NDST4: variants seen among roughly 807,000 people sequenced by gnomAD.
NDST4 encodes the protein N-heparan sulfate sulfotransferase 4.
A neutral mutation model predicts 100.8 loss-of-function variants in NDST4; 63 were observed. The observed-to-expected ratio is 0.62, with a 90% CI of 0.51 to 0.77. The LOEUF (loss-of-function observed/expected upper bound fraction) is 0.77, where lower values mean the gene tolerates loss of function less well. Ranked by LOEUF, NDST4 falls within the 30% of genes least tolerant of loss-of-function variation. The pLI is 0.00. For synonymous variants in NDST4, 377 were observed against 361.8 expected, an observed-to-expected ratio of 1.04 and a Z score of -0.48; for missense variants, 943 against 1,018.4, an observed-to-expected ratio of 0.93 and a Z score of 1.01.
At chr4:114,829,991 C>G in intron 12 of NDST4, 99 bp from the exon 13 acceptor site, 1 of 791,584 alleles carries the variant, frequency 1.3e-6, no homozygotes, top group East Asian at 2.7e-5. Context: ...TGTATGCCCA[C>G]TGATTTAATT....
chr4:114,955,648 C>T (rs1726123610), intron 4 of NDST4, among the ~76,000 whole-genome samples: 1 of 152,106 alleles, frequency 6.6e-6, no homozygotes, highest in Non-Finnish European at 1.5e-5. Context: ...GCTCTGTGGA[C>T]CATCTCCAAG....
intron 6 of NDST4, among the ~76,000 whole-genome samples, chr4:114,871,387 G>A (rs543833392): frequency 1.5e-4 from 23 of 152,156 alleles, no homozygotes; most frequent in Non-Finnish European, 2.9e-4. Flanking sequence ...CTAATTAAAC[G>A]AATTTTATTT....
chr4:114,882,357 T>C lies in NDST4; in HGVS notation c.1537-11407A>G, dbSNP rs1724388094. On this transcript the variant is annotated intron_variant, in intron 6 of 13. Transcript: ENST00000264363. The stretch of plus-strand genomic sequence containing the variant: ...GGGGGCAAAAGGAGTTGAATATACT[T>C]CTGCAATAGGATATGGGTAGAAAAC... Among the ~76,000 whole-genome samples the C allele has an allele frequency of 2.6e-5, 4 of 152,148 alleles. No individual in the cohort carries two copies. The South Asian group carries it at 8.3e-4, about 32-fold the overall frequency.
intron 4 of NDST4, among the ~76,000 whole-genome samples, chr4:114,955,500 G>T (rs1726117022): frequency 6.6e-6 from 1 of 152,098 alleles, no homozygotes; most frequent in African/African-American, 2.4e-5. Context: ...TACATGTTAA[G>T]AGGATCACTG....
At chr4:115,023,019 T>C (rs1360450629) in intron 2 of NDST4, among the ~76,000 whole-genome samples, 1 of 152,126 alleles carries the variant, frequency 6.6e-6, no homozygotes, top group Non-Finnish European at 1.5e-5. Flanking sequence ...TTCTCACTCA[T>C]AAGCGCGAGC....
chr4:115,106,193 C>T (rs1560602167), intron 1 of NDST4, among the ~76,000 whole-genome samples: 1 of 152,006 alleles, frequency 6.6e-6, no homozygotes, highest in Non-Finnish European at 1.5e-5. Flanking sequence ...CATGAGGCAT[C>T]GGGAAACTGA....
At chr4:114,918,593 A>C (rs1437537954) in intron 6 of NDST4, among the ~76,000 whole-genome samples, 1 of 152,024 alleles carries the variant, frequency 6.6e-6, no homozygotes, top group Non-Finnish European at 1.5e-5. Flanking sequence ...TAAAAATAGA[A>C]TCAAACCGAA....
chr4:114,916,448 T>C (rs771573222), intron 6 of NDST4, among the ~76,000 whole-genome samples: 1 of 152,020 alleles, frequency 6.6e-6, no homozygotes, highest in Non-Finnish European at 1.5e-5. Flanking sequence ...ACTAGCTTCC[T>C]CTCAGCATGA....
intron 4 of NDST4, among the ~76,000 whole-genome samples, chr4:114,960,595 T>C (rs1188054452): frequency 2.6e-5 from 4 of 151,970 alleles, no homozygotes; most frequent in Non-Finnish European, 2.9e-5. Context: ...TTGGTAAAGG[T>C]AATTACGTAT....
chr4:115,074,610 C>A (rs1729143295), intron 2 of NDST4, among the ~76,000 whole-genome samples: 1 of 152,074 alleles, frequency 6.6e-6, no homozygotes, highest in Non-Finnish European at 1.5e-5. Context: ...GGGTCACAGT[C>A]AAGCAGTGCT....
At chr4:114,985,497 T>C (rs1266030465) in intron 2 of NDST4, among the ~76,000 whole-genome samples, 3 of 152,204 alleles carry the variant, frequency 2.0e-5, no homozygotes, top group Non-Finnish European at 4.4e-5. Flanking sequence ...ACTCTAATTA[T>C]TTATTTAAAT....
chr4:115,023,341 C>G (rs1414025754), intron 2 of NDST4, among the ~76,000 whole-genome samples: 1 of 151,912 alleles, frequency 6.6e-6, no homozygotes, highest in Non-Finnish European at 1.5e-5. Context: ...CAAAATTAGC[C>G]AGCTATGATG....
chr4:115,076,429 T>A lies in NDST4; in HGVS notation c.608A>T (p.His203Leu). 6.2e-7 allele frequency: 1 copy of A among 1,613,976 alleles called. No individual in the cohort carries two copies. The highest frequency in any genetic ancestry group is 8.5e-7 in the Non-Finnish European group (1 of 1,179,956). Reference protein sequence around the residue: ...CFVNPQSPLLHITKAPKVEKG... With the variant: ...CFVNPQSPLLLITKAPKVEKG... ...CTCAACCTTGGGGGCTTTGGTAATA[T>A]GCAGCAAAGGAGATTGAGGGTTAAC... Residue 203 changes from histidine to leucine, a missense_variant, in exon 2 of 14, where the codon CAT becomes CTT. By Grantham distance (99) the His-to-Leu change is moderately conservative. Around this residue, in one of 2 missense-constraint regions of NDST4, gnomAD observed 417 missense variants for 384.2 expected, o/e 1.09. Transcript: ENST00000264363.
chr4:115,064,137 A>G (rs570997554), intron 2 of NDST4, among the ~76,000 whole-genome samples: 60 of 152,170 alleles, frequency 3.9e-4, no homozygotes, highest in African/African-American at 1.4e-3. Context: ...TTCTGAGCAG[A>G]AAATCTTCAC....
At chr4:114,979,212 C>T (rs1346038839) in intron 2 of NDST4, among the ~76,000 whole-genome samples, 1 of 151,732 alleles carries the variant, frequency 6.6e-6, no homozygotes, top group Non-Finnish European at 1.5e-5. Context: ...ATATCTCCGC[C>T]CAAATGTCAA....
chr4:114,990,708 A>G lies in NDST4; in HGVS notation c.979-13434T>C, dbSNP rs7665791. On this transcript the variant is annotated intron_variant, in intron 2 of 13. Transcript: ENST00000264363. Reference sequence around the variant, plus strand: ...TATCTTTGTTAATAACTAACACATCACACATTTACATAATACACTTTTTGG... The same window carrying G: ...TATCTTTGTTAATAACTAACACATCGCACATTTACATAATACACTTTTTGG... Among the ~76,000 whole-genome samples the G allele has an allele frequency of 5.7e-3, 874 of 152,230 alleles. 11 individuals carry two copies. Among genetic ancestry groups the G allele is most frequent in the African/African-American group, 0.019 (785 of 41,562 alleles).
At chr4:114,865,453 G>T (rs541428416) in intron 7 of NDST4, among the ~76,000 whole-genome samples, 1 of 152,256 alleles carries the variant, frequency 6.6e-6, no homozygotes, top group Admixed American at 6.5e-5. Flanking sequence ...GCAGGGAAAA[G>T]AAAGCCAACT....
chr4:115,091,690 G>A (rs939307270), intron 1 of NDST4, among the ~76,000 whole-genome samples: 20 of 152,208 alleles, frequency 1.3e-4, no homozygotes, highest in African/African-American at 4.3e-4. Flanking sequence ...ATGTTCATAT[G>A]CAGTTGTTTT....
intron 7 of NDST4, among the ~76,000 whole-genome samples, chr4:114,863,811 G>A (rs1233113092): frequency 1.3e-5 from 2 of 152,210 alleles, no homozygotes; most frequent in African/African-American, 4.8e-5. Context: ...CATAAACAAA[G>A]CAGGCAGAAG....
Sources: allele counts gnomAD v4.1 joint callset (sites outside exome capture counted in the v4.1 genomes callset), GRCh38; gene constraint gnomAD v4.1.1; regional missense constraint gnomAD v4.1.1; transcripts MANE v1.5; gene names NCBI Gene and HGNC (gene_info 2026-07-23, HGNC 2026-07-21).